PAPSS1: variants seen among roughly 807,000 people sequenced by gnomAD.
PAPSS1 encodes bifunctional 3'-phosphoadenosine 5'-phosphosulfate synthase 1.
PAPSS1 carries 50 observed loss-of-function variants against 72.0 expected under a neutral mutation model. That is an observed-to-expected ratio of 0.69 (90% CI 0.55 to 0.88). PAPSS1 has a LOEUF of 0.88. PAPSS1 is among the 40% of genes least tolerant of loss of function. The pLI, the probability that PAPSS1 is intolerant of heterozygous loss-of-function variation, is 0.00. For missense variants in PAPSS1, 657 were observed against 782.2 expected (o/e 0.84, Z 1.91); for synonymous variants, 261 against 263.6 (o/e 0.99, Z 0.09).
At chr4:107,645,670 C>T (rs560912588) in intron 9 of PAPSS1, among the ~76,000 whole-genome samples, 1 of 152,332 alleles carries the variant, frequency 6.6e-6, no homozygotes, top group Admixed American at 6.5e-5. Flanking sequence ...AACTGCTAGA[C>T]AGACGAAACT....
intron 1 of PAPSS1, among the ~76,000 whole-genome samples, chr4:107,703,525 G>GT (rs1321443559): frequency 2.6e-5 from 4 of 151,496 alleles, no homozygotes; most frequent in Non-Finnish European, 4.4e-5. Context: ...TTCACTTTGA[G>GT]TTTTTTTTAT....
At chr4:107,673,568 G>C (rs1236822124) in intron 5 of PAPSS1, among the ~76,000 whole-genome samples, 1 of 152,180 alleles carries the variant, frequency 6.6e-6, no homozygotes, top group African/African-American at 2.4e-5. Context: ...TATGTGAAAA[G>C]ACCAAATCTA....
chr4:107,690,850 A>AC (rs1722899051), intron 3 of PAPSS1, among the ~76,000 whole-genome samples: 1 of 152,066 alleles, frequency 6.6e-6, no homozygotes, highest in Admixed American at 6.6e-5. Context: ...ACTCTTAGAT[A>AC]CCCAGGTGTC....
At chr4:107,702,496 C>T (rs1318063702) in intron 1 of PAPSS1, among the ~76,000 whole-genome samples, 1 of 152,194 alleles carries the variant, frequency 6.6e-6, no homozygotes, top group Non-Finnish European at 1.5e-5. Context: ...CTCCAACCAT[C>T]CTCCTCGACC....
chr4:107,645,350 T>C (rs150452362), intron 9 of PAPSS1, among the ~76,000 whole-genome samples: 133 of 152,280 alleles, frequency 8.7e-4, no homozygotes, highest in African/African-American at 3.1e-3. Flanking sequence ...CTTGCATTCA[T>C]GGGAAATGAG....
chr4:107,676,683 A>G (rs1235202418), intron 5 of PAPSS1, among the ~76,000 whole-genome samples: 1 of 152,222 alleles, frequency 6.6e-6, no homozygotes, highest in African/African-American at 2.4e-5. Context: ...GGAAAAAACT[A>G]CTTTAAAGTT....
At chr4:107,701,502 T>C (rs1723205061) in intron 1 of PAPSS1, among the ~76,000 whole-genome samples, 1 of 152,146 alleles carries the variant, frequency 6.6e-6, no homozygotes, top group Non-Finnish European at 1.5e-5. Context: ...ATAGGTACTC[T>C]TACTACTAAG....
At chr4:107,644,612 C>A (rs757484611) in intron 10 of PAPSS1, among the ~76,000 whole-genome samples, 190 bp downstream of exon 10, 2 of 152,200 alleles carry the variant, frequency 1.3e-5, no homozygotes, top group Non-Finnish European at 2.9e-5. Context: ...AACCTCTCCC[C>A]ACCTTTCCTT....
chr4:107,687,234 T>C, intron 3 of PAPSS1, 57 bp from the exon 4 acceptor site: 2 of 1,310,326 alleles, frequency 1.5e-6, no homozygotes, highest in African/African-American at 1.6e-5. Context: ...ACTATATTAA[T>C]ATTAAAGATG....
At chr4:107,709,060 C>A (rs1022501489) in intron 1 of PAPSS1, among the ~76,000 whole-genome samples, 6 of 152,216 alleles carry the variant, frequency 3.9e-5, no homozygotes, top group East Asian at 1.9e-4. Context: ...TTCTACCATG[C>A]AGCTGCACTG....
At chr4:107,672,183 C>A (rs1345752559) in intron 5 of PAPSS1, among the ~76,000 whole-genome samples, 1 of 152,122 alleles carries the variant, frequency 6.6e-6, no homozygotes, top group Non-Finnish European at 1.5e-5. Context: ...ACTGAGGCAC[C>A]GGGCGCATCT....
At chr4:107,695,873 T>C (rs2125934492) in intron 2 of PAPSS1, among the ~76,000 whole-genome samples, 1 of 152,132 alleles carries the variant, frequency 6.6e-6, no homozygotes, top group South Asian at 2.1e-4. Context: ...AGGAACTTAA[T>C]ACAGAAGAAA....
At chr4:107,718,331 T>A (rs557005759) in intron 1 of PAPSS1, 2 of 152,176 alleles carry the variant, frequency 1.3e-5, no homozygotes, top group Non-Finnish European at 2.9e-5. Flanking sequence ...AGCCTCCCTA[T>A]TGAACCTTAC....
chr4:107,715,977 T>C (rs1168568294), intron 1 of PAPSS1, among the ~76,000 whole-genome samples: 5 of 152,222 alleles, frequency 3.3e-5, no homozygotes, highest in African/African-American at 1.2e-4. Flanking sequence ...AGATGGTAAG[T>C]GACAAAACCG....
chr4:107,713,784 A>G (rs1172359815), intron 1 of PAPSS1, among the ~76,000 whole-genome samples: 1 of 144,940 alleles, frequency 6.9e-6, no homozygotes, highest in Non-Finnish European at 1.5e-5. Context: ...AAAAAAAAAT[A>G]TGAAAGACAA....
At chr4:107,620,087 G>A (rs1274791633) in intron 11 of PAPSS1, among the ~76,000 whole-genome samples, 1 of 152,208 alleles carries the variant, frequency 6.6e-6, no homozygotes, top group African/African-American at 2.4e-5. Flanking sequence ...ATGGACAAGA[G>A]CTGGGGTCAG....
intron 1 of PAPSS1, 122 bp from the exon 2 acceptor site, chr4:107,701,407 GTT>G (rs373570195): frequency 2.0e-5 from 10 of 505,654 alleles, no homozygotes; most frequent in African/African-American, 4.0e-5. Flanking sequence ...AGATAAAACA[GTT>G]TTTTTTTTTC....
intron 1 of PAPSS1, among the ~76,000 whole-genome samples, chr4:107,709,227 T>G (rs1383228085): frequency 1.2e-4 from 18 of 152,180 alleles, no homozygotes. Flanking sequence ...TAACTCCCAA[T>G]TTTTCAAAGT....
intron 2 of PAPSS1, among the ~76,000 whole-genome samples, chr4:107,695,150 T>C (rs1723035090): frequency 6.6e-6 from 1 of 152,222 alleles, no homozygotes; most frequent in Admixed American, 6.5e-5. Flanking sequence ...CATTTGTTTG[T>C]GTCCTCTATT....
Sources: allele counts gnomAD v4.1 joint callset (sites outside exome capture counted in the v4.1 genomes callset), GRCh38; gene constraint gnomAD v4.1.1; transcripts MANE v1.5; gene names NCBI Gene and HGNC (gene_info 2026-07-23, HGNC 2026-07-21).